NR2F6: variants seen among roughly 807,000 people sequenced by gnomAD.
The protein encoded by NR2F6 is ERBA-related gene-2.
NR2F6 carries 16 observed loss-of-function variants against 26.5 expected under a neutral mutation model. The observed-to-expected ratio is 0.60, with a 90% CI of 0.41 to 0.92. The LOEUF is 0.92. NR2F6 is among the 40% of genes least tolerant of loss of function. NR2F6 has a pLI of 0.00. For missense variants in NR2F6, 536 were observed against 631.7 expected (o/e 0.85, Z 1.62); for synonymous variants, 325 against 305.0 (o/e 1.07, Z -0.68).
At chr19:17,239,500 C>T (rs1156292060) in intron 2 of NR2F6, among the ~76,000 whole-genome samples, 1 of 151,632 alleles carries the variant, frequency 6.6e-6, no homozygotes, top group African/African-American at 2.4e-5. Flanking sequence ...ACTAAAAATA[C>T]AAAAATATCC....
chr19:17,237,504 G>A (rs558829138), intron 2 of NR2F6, among the ~76,000 whole-genome samples: 12 of 151,972 alleles, frequency 7.9e-5, no homozygotes, highest in African/African-American at 1.2e-4. Flanking sequence ...CTCCGACTCC[G>A]GGGTTCGAGT....
rs555814866 is a variant in NR2F6 at position 17,240,115 on chromosome 19, C to T, written c.373+556G>A. On this transcript the variant is annotated intron_variant, in intron 2 of 3. Transcript: ENST00000291442. ...GTCCCCTGAGCAGAGACAGCTGGGC[C>T]TCACTCTTGCTCCCAGCGCCCGGGG... Among the ~76,000 whole-genome samples the T allele has an allele frequency of 7.9e-5, 12 of 152,336 alleles. No individual in the cohort carries two copies. The South Asian group carries it at 2.5e-3, about 32-fold the overall frequency.
At chr19:17,241,770 G>A (rs374047558) in intron 1 of NR2F6, among the ~76,000 whole-genome samples, 3 of 152,220 alleles carry the variant, frequency 2.0e-5, no homozygotes, top group Admixed American at 6.5e-5. Context: ...TGTAATCCCA[G>A]CACTTTGGGA....
intron 1 of NR2F6, chr19:17,244,119 GTCTCCGACC>G (rs2073483310): frequency 6.6e-6 from 1 of 152,274 alleles, no homozygotes; most frequent in Non-Finnish European, 1.5e-5. Context: ...TGCCAGAGAG[GTCTCCGACC>G]TGGGACAGCC....
Position 17,245,311 on chromosome 19 carries a change from C to G in NR2F6, c.-91G>C, listed in dbSNP as rs1599458950. On this transcript the variant is annotated 5_prime_UTR_variant, in exon 1 of 4. Coordinates refer to ENST00000291442, the MANE Select transcript of NR2F6 (RefSeq NM_005234.4). The surrounding 1 kb of genome is among the most constrained non-coding windows in gnomAD (Gnocchi z 5.0). The stretch of plus-strand genomic sequence containing the variant: ...CGGGGGACCCTACGCGGCGCGCATT[C>G]GGCCCCGGCGCGCGGGGGGCACGGG... 1 of 1,104,788 alleles carries G rather than the reference C, an allele frequency of 9.1e-7. No individual in the cohort carries two copies. Among genetic ancestry groups the G allele is most frequent in the African/African-American group, 1.7e-5 (1 of 60,484 alleles). 68.4% of individuals were successfully genotyped at this position (1,104,788 alleles called of 1,614,324 possible).
intron 3 of NR2F6, among the ~76,000 whole-genome samples, chr19:17,233,720 T>G (rs1290483702): frequency 1.3e-5 from 2 of 151,932 alleles, no homozygotes; most frequent in Admixed American, 1.3e-4. Flanking sequence ...GGTCTTGAAC[T>G]CCTGACCTCA....
Position 17,235,590 on chromosome 19 carries a change from G to A in NR2F6, c.849C>T (p.Arg283=), listed in dbSNP as rs1238003230. 1.3e-6 allele frequency: 2 copies of A among 1,586,612 alleles called. No homozygotes were observed. The highest frequency in any genetic ancestry group is 2.3e-5 in the East Asian group (1 of 44,130). Residue 283 remains arginine (R), a synonymous_variant, in exon 3 of 4, where the codon CGC becomes CGT. Transcript: ENST00000291442. The surrounding 1 kb of genome is among the most constrained non-coding windows in gnomAD (Gnocchi z 5.0). ...ERAVAFMDQV[R]AFQEQVDKLG... ...GCTTGTCCACCTGCTCCTGGAAGGC[G>A]CGCACCTGGTCCATGAAAGCCACGG...
chr19:17,238,402 T>C (rs2073450828), intron 2 of NR2F6, among the ~76,000 whole-genome samples: 1 of 151,832 alleles, frequency 6.6e-6, no homozygotes, highest in Admixed American at 6.6e-5. Context: ...GAGGAGGTGA[T>C]GTTTGAGCAA....
At chr19:17,238,454 G>A (rs1483149958) in intron 2 of NR2F6, among the ~76,000 whole-genome samples, 2 of 152,154 alleles carry the variant, frequency 1.3e-5, no homozygotes, top group African/African-American at 4.8e-5. Context: ...GTATGGACCT[G>A]GAAAAAGTGC....
chr19:17,239,762 T>TG (rs1391488410), intron 2 of NR2F6, among the ~76,000 whole-genome samples: 5 of 151,786 alleles, frequency 3.3e-5, no homozygotes. Flanking sequence ...GAGGCTGCAG[T>TG]GAGCTGAGAT....
At chr19:17,234,230 A>C (rs557812906) in intron 3 of NR2F6, among the ~76,000 whole-genome samples, 230 of 152,058 alleles carry the variant, frequency 1.5e-3, no homozygotes, top group African/African-American at 2.8e-3. Flanking sequence ...CTCAAAAAAA[A>C]AAAAAAAAAA....
rs2145564223 is a variant in NR2F6 at position 17,235,873 on chromosome 19, C to A, written c.566G>T (p.Gly189Val). 6.8e-7 allele frequency: 1 copy of A among 1,465,328 alleles called. No individual in the cohort carries two copies. The highest frequency in any genetic ancestry group is 1.3e-5 in the South Asian group (1 of 76,578). 90.8% of individuals were successfully genotyped at this position (1,465,328 alleles called of 1,614,324 possible). A position where few individuals can be genotyped will look rare whatever the true frequency, so the allele number is the denominator to read the frequency against. Reference sequence around the variant, plus strand: ...CAGCACCGCGCCCGCCGCGCCGCCCCCTGCGCCGAAGCGTCCGGCCGCCGC... The same window carrying A: ...CAGCACCGCGCCCGCCGCGCCGCCCACTGCGCCGAAGCGTCCGGCCGCCGC... The part of the protein sequence containing the change: ...YPAAAGRFGA[G>V]GGAAGAVLGI... Residue 189 changes from glycine to valine, a missense_variant, in exon 3 of 4, where the codon GGG (glycine) becomes GTG (valine). Coordinates refer to ENST00000291442, the MANE Select transcript of NR2F6 (RefSeq NM_005234.4). The surrounding 1 kb of genome is among the most constrained non-coding windows in gnomAD (Gnocchi z 5.0).
chr19:17,233,900 T>TAG (rs1425633001), intron 3 of NR2F6, among the ~76,000 whole-genome samples: 2 of 151,906 alleles, frequency 1.3e-5, no homozygotes, highest in African/African-American at 4.8e-5. Context: ...TGGCAGCCTC[T>TAG]AGAGAGAGAC....
At chr19:17,236,780 T>C (rs993433661) in intron 2 of NR2F6, among the ~76,000 whole-genome samples, 3 of 143,976 alleles carry the variant, frequency 2.1e-5, no homozygotes, top group Admixed American at 1.4e-4. Flanking sequence ...GGGGGGGACC[T>C]ACAGTAAGGA....
chr19:17,240,935 A>G (rs541761726), intron 1 of NR2F6, among the ~76,000 whole-genome samples, 170 bp from the exon 2 acceptor site: 1 of 152,356 alleles, frequency 6.6e-6, no homozygotes, highest in South Asian at 2.1e-4. Context: ...TCTGCAAACC[A>G]GACAGGATAA....
In NR2F6 at chr19:17,235,252, G is replaced by A. The variant is rs114580882; in HGVS notation, c.940+247C>T. On this transcript the variant is annotated intron_variant, in intron 3 of 3. Transcript: ENST00000291442. This position sits in a 1 kb window ranked among gnomAD's most constrained non-coding sequence, Gnocchi z 5.0. ...GGGCCCTGGTCCTGGCCCAGCCTTG[G>A]GTCTGGGGTCCGGGGTTCAGAGTTC... Among the ~76,000 whole-genome samples the A allele has an allele frequency of 5.1e-3, 783 of 152,336 alleles. 2 individuals carry two copies. Among genetic ancestry groups the A allele is most frequent in the Middle Eastern group, 0.024 (7 of 294 alleles).
chr19:17,245,727 G>A lies in NR2F6; in HGVS notation c.-507C>T, dbSNP rs2073495255. Reference sequence around the variant, plus strand: ...CGGGTGCGCGCCGGGGCTGATCGCCGCGCCCCCTGGGTCCCCCGGCGCCCG... The same window carrying A: ...CGGGTGCGCGCCGGGGCTGATCGCCACGCCCCCTGGGTCCCCCGGCGCCCG... On this transcript the variant is annotated 5_prime_UTR_variant, in exon 1 of 4. Coordinates refer to ENST00000291442, the MANE Select transcript of NR2F6 (RefSeq NM_005234.4). This position sits in a 1 kb window ranked among gnomAD's most constrained non-coding sequence, Gnocchi z 5.0. 6.9e-6 allele frequency: 1 copy of A among 145,462 alleles called. No homozygotes were observed. The highest frequency in any genetic ancestry group is 2.5e-5 in the African/African-American group (1 of 40,600). 9.0% of individuals were successfully genotyped at this position (145,462 alleles called of 1,614,324 possible). A position where few individuals can be genotyped will look rare whatever the true frequency, so the allele number is the denominator to read the frequency against.
At position 17,245,268 on chromosome 19, in the gene NR2F6, C is replaced by T; in HGVS notation, c.-48G>A. On this transcript the variant is annotated 5_prime_UTR_variant, in exon 1 of 4. Transcript: ENST00000291442. This position sits in a 1 kb window ranked among gnomAD's most constrained non-coding sequence, Gnocchi z 5.0. ...GGCGCCCCCACCGCGCTCTTCCCTC[C>T]GGGCACCCCTCTCGGCCCGGGGGAC... is the stretch of plus-strand genomic sequence containing the variant. 3 of 1,210,798 alleles carry T rather than the reference C, an allele frequency of 2.5e-6. No individual in the cohort carries two copies. The highest frequency in any genetic ancestry group is 3.1e-6 in the Non-Finnish European group (3 of 975,768). 75.0% of individuals were successfully genotyped at this position (1,210,798 alleles called of 1,614,324 possible). A position where few individuals can be genotyped will look rare whatever the true frequency, so the allele number is the denominator to read the frequency against.
chr19:17,237,284 G>A (rs2073444190), intron 2 of NR2F6, among the ~76,000 whole-genome samples: 1 of 152,072 alleles, frequency 6.6e-6, no homozygotes, highest in South Asian at 2.1e-4. Context: ...TGTTCACTGG[G>A]TTGTGAGCAA....
Sources: allele counts gnomAD v4.1 joint callset (sites outside exome capture counted in the v4.1 genomes callset), GRCh38; gene constraint gnomAD v4.1.1; non-coding constraint Gnocchi (gnomAD v3.1); transcripts MANE v1.5; gene names NCBI Gene and HGNC (gene_info 2026-07-23, HGNC 2026-07-21).